The following CSMD2 variants were observed in gnomAD, a reference collection of about 807,000 sequenced individuals.
The protein encoded by CSMD2 is CUB and Sushi multiple domains 2.
Under a neutral mutation model 398.5 loss-of-function variants are expected in CSMD2, and 130 were observed. The ratio of observed to expected loss-of-function variants is 0.33; its 90% CI spans 0.28 to 0.38. CSMD2 has a LOEUF of 0.38. Ranked by LOEUF, CSMD2 falls within the 10% of genes least tolerant of loss-of-function variation. The probability of loss-of-function intolerance (pLI) is 1.00; values close to 1 mark genes in which losing one functional copy is unlikely to be tolerated. For synonymous variants in CSMD2, 1,828 were observed against 1,908.5 expected (o/e 0.96, Z 1.10); for missense variants, 3,829 against 4,764.9 (o/e 0.80, Z 5.78).
chr1:34,038,144 C>T (rs72667706), intron 2 of CSMD2, among the ~76,000 whole-genome samples: 8,224 of 152,188 alleles, frequency 0.054, 299 homozygotes, highest in East Asian at 0.15. Flanking sequence ...ATTTTAGACA[C>T]GCTGAAGACC....
chr1:33,898,059 A>G (rs1345039298), intron 5 of CSMD2, among the ~76,000 whole-genome samples: 1 of 152,198 alleles, frequency 6.6e-6, no homozygotes, highest in African/African-American at 2.4e-5. Flanking sequence ...AGAGGAGGAC[A>G]TTGAGGTTCA....
intron 3 of CSMD2, among the ~76,000 whole-genome samples, chr1:33,976,991 G>T (rs533250347): frequency 1.3e-5 from 2 of 151,880 alleles, no homozygotes; most frequent in Non-Finnish European, 2.9e-5. Context: ...GGAAACAGAG[G>T]ACAGAAATTA....
intron 32 of CSMD2, among the ~76,000 whole-genome samples, chr1:33,629,692 C>T (rs1642347853): frequency 6.6e-6 from 1 of 151,994 alleles, no homozygotes; most frequent in African/African-American, 2.4e-5. Context: ...CAGTGTTTCT[C>T]CAAATGAGGA....
At chr1:33,805,003 T>G (rs1366902472) in intron 10 of CSMD2, 2 of 657,300 alleles carry the variant, frequency 3.0e-6, no homozygotes, top group Non-Finnish European at 5.6e-6. Flanking sequence ...CTGCACACTC[T>G]AAGCGGTGCT....
chr1:33,890,106 C>T (rs1313138778), intron 5 of CSMD2, among the ~76,000 whole-genome samples: 2 of 151,710 alleles, frequency 1.3e-5, no homozygotes, highest in Non-Finnish European at 2.9e-5. Context: ...TTCAGTTTTT[C>T]TCAATTTTCT....
Position 33,646,805 on chromosome 1 carries a change from G to T in CSMD2, c.4617C>A (p.Leu1539=), listed in dbSNP as rs760554023. Residue 1539 remains leucine, a synonymous_variant, in exon 29 of 71, where the codon CTC becomes CTA. Coordinates refer to ENST00000373381, the MANE Select transcript of CSMD2 (RefSeq NM_001281956.2). ...IFNLEPGYDF[L]HIYDGRDSLS... is the part of the protein sequence containing the mutation. ...GAGAGTCCCGTCCGTCGTAGATATG[G>T]AGGAAGTCATAGCCAGGCTCCAGGT... is the stretch of plus-strand genomic sequence containing the variant. The T allele has an allele frequency of 6.2e-7, 1 of 1,613,366 alleles. No homozygotes were observed. The highest frequency in any genetic ancestry group is 1.7e-5 in the Admixed American group (1 of 59,914).
At chr1:33,628,863 C>T (rs1642292967) in intron 32 of CSMD2, among the ~76,000 whole-genome samples, 1 of 151,882 alleles carries the variant, frequency 6.6e-6, no homozygotes, top group African/African-American at 2.4e-5. Flanking sequence ...AGGTTACTTA[C>T]AAGGACAAAG....
At chr1:33,803,138 T>G (rs1241887371) in intron 10 of CSMD2, among the ~76,000 whole-genome samples, 1 of 152,226 alleles carries the variant, frequency 6.6e-6, no homozygotes, top group Non-Finnish European at 1.5e-5. Context: ...AAACTCTTCC[T>G]GTGTTTGCAT....
chr1:33,724,064 T>C, intron 19 of CSMD2, 133 bp downstream of exon 19: 1 of 675,130 alleles, frequency 1.5e-6, no homozygotes, highest in Non-Finnish European at 2.7e-6. Flanking sequence ...AGTTTTCTTG[T>C]TGGTGAGAAA....
Position 33,726,639 on chromosome 1 carries a change from A to G in CSMD2, c.2415T>C (p.Ser805=), listed in dbSNP as rs747200193. 3.1e-6 allele frequency: 5 copies of G among 1,613,466 alleles called. No individual in the cohort carries two copies. Among genetic ancestry groups the G allele is most frequent in the Middle Eastern group, 3.3e-4 (2 of 6,058 alleles). The change falls in exon 16 of 71, where the codon TCT becomes TCC. Residue 805 remains serine, a synonymous_variant. Coordinates refer to ENST00000373381, the MANE Select transcript of CSMD2 (RefSeq NM_001281956.2). ...CCTTGTAGAAGCCAGGCCAGCCCGG[A>G]GAGAGGATGGTGCCGCTGGGCGAAG... ...HLTSPSGTIL[S]PGWPGFYKDA... is the part of the protein sequence containing the mutation.
chr1:33,802,248 C>T (rs1434199291), intron 10 of CSMD2, among the ~76,000 whole-genome samples: 2 of 152,208 alleles, frequency 1.3e-5, no homozygotes, highest in Non-Finnish European at 2.9e-5. Context: ...TCTGAGCCTT[C>T]TTTCCTCTGT....
intron 4 of CSMD2, 121 bp from the exon 5 acceptor site, chr1:33,918,422 G>T: frequency 2.5e-6 from 2 of 807,486 alleles, no homozygotes; most frequent in Non-Finnish European, 1.9e-6. Context: ...ACAGTTTGTG[G>T]ACATAGATAA....
chr1:33,777,025 A>C (rs1652078804), intron 12 of CSMD2, among the ~76,000 whole-genome samples: 1 of 152,090 alleles, frequency 6.6e-6, no homozygotes, highest in Non-Finnish European at 1.5e-5. Context: ...GATCAGTGAC[A>C]GTGATGAGGA....
intron 1 of CSMD2, among the ~76,000 whole-genome samples, chr1:34,161,969 G>A (rs574705176): frequency 1.6e-4 from 24 of 152,002 alleles, no homozygotes; most frequent in South Asian, 1.0e-3. Context: ...TCAGGAGTTC[G>A]AGACCAGCCT....
At chr1:33,970,349 C>T (rs1222118903) in intron 3 of CSMD2, among the ~76,000 whole-genome samples, 1 of 152,056 alleles carries the variant, frequency 6.6e-6, no homozygotes, top group Admixed American at 6.5e-5. Context: ...CTCTTTTTCT[C>T]CCTCCCTCAG....
At chr1:33,976,102 G>T (rs536860676) in intron 3 of CSMD2, among the ~76,000 whole-genome samples, 1 of 152,288 alleles carries the variant, frequency 6.6e-6, no homozygotes, top group East Asian at 1.9e-4. Flanking sequence ...AAGGGACCCG[G>T]GTTGCTGTCT....
At chr1:33,673,939 C>T (rs1644606360) in intron 25 of CSMD2, among the ~76,000 whole-genome samples, 2 of 152,146 alleles carry the variant, frequency 1.3e-5, no homozygotes, top group Non-Finnish European at 1.5e-5. Flanking sequence ...CAGGCCTGCC[C>T]TAAAAGAGCT....
intron 3 of CSMD2, among the ~76,000 whole-genome samples, chr1:33,996,868 C>T (rs1225229592): frequency 1.3e-5 from 2 of 151,754 alleles, no homozygotes; most frequent in Non-Finnish European, 2.9e-5. Context: ...AAAAAGGGAC[C>T]GGAAGAAGAA....
upstream of CSMD2, chr1:34,165,306 G>T (rs1300905278): frequency 1.7e-6 from 2 of 1,201,386 alleles, no homozygotes; most frequent in Non-Finnish European, 1.0e-6. Context: ...CGCTTCGCGG[G>T]GTTCGCGCCG....
Sources: allele counts gnomAD v4.1 joint callset (sites outside exome capture counted in the v4.1 genomes callset), GRCh38; gene constraint gnomAD v4.1.1; transcripts MANE v1.5; gene names NCBI Gene and HGNC (gene_info 2026-07-23, HGNC 2026-07-21).